Variants in PPP2R3A observed in about 807,000 individuals in gnomAD.
The protein encoded by PPP2R3A is serine/threonine-protein phosphatase 2A regulatory subunit B'' subunit alpha.
PPP2R3A carries 80 observed loss-of-function variants against 106.9 expected under a neutral mutation model. The observed-to-expected ratio is 0.75, with a 90% confidence interval of 0.62 to 0.90. The LOEUF (loss-of-function observed/expected upper bound fraction) is 0.90. PPP2R3A is among the 40% of genes least tolerant of loss of function. PPP2R3A has a pLI of 0.00. For synonymous variants in PPP2R3A, 483 were observed against 468.3 expected (o/e 1.03, Z -0.41); for missense variants, 1,386 against 1,350.4 (o/e 1.03, Z -0.41).
intron 13 of PPP2R3A, among the ~76,000 whole-genome samples, chr3:136,136,943 A>G (rs992308559): frequency 1.3e-5 from 2 of 152,244 alleles, no homozygotes; most frequent in African/African-American, 2.4e-5. Flanking sequence ...GGCTGTAAAC[A>G]TTGCAAATTA....
intron 1 of PPP2R3A, among the ~76,000 whole-genome samples, chr3:135,973,681 T>C (rs111311725): frequency 2.0e-4 from 31 of 152,196 alleles, no homozygotes; most frequent in African/African-American, 7.2e-4. Context: ...TTTCTTCTTA[T>C]TGGACCAAGA....
At position 136,146,877 on chromosome 3, in the gene PPP2R3A, A is replaced by AT. The variant is rs893657575; in HGVS notation, c.*1711_*1712insT. 1 of 152,210 alleles carries AT rather than the reference A, an allele frequency of 6.6e-6. No individual in the cohort carries two copies. The highest frequency in any genetic ancestry group is 1.5e-5 in the Non-Finnish European group (1 of 68,042). The allele number at this position is 152,210 out of a possible 1,614,324, so 9.4% of individuals were successfully genotyped here. On this transcript the variant is annotated 3_prime_UTR_variant, in exon 14 of 14. Coordinates refer to ENST00000264977, the MANE Select transcript of PPP2R3A (RefSeq NM_002718.5). ...TTTCAGATAGAAATACAAAAAAAAA[A>AT]AAAATACTTTTCTTAGAAGCCAGAT... is the stretch of plus-strand genomic sequence containing the variant.
chr3:136,048,967 C>T (rs891890200), intron 4 of PPP2R3A, among the ~76,000 whole-genome samples: 1 of 152,002 alleles, frequency 6.6e-6, no homozygotes, highest in Non-Finnish European at 1.5e-5. Context: ...AGGAATGTTT[C>T]CTGAAAATGC....
chr3:135,976,975 T>C (rs1937436382), intron 1 of PPP2R3A, among the ~76,000 whole-genome samples: 1 of 152,136 alleles, frequency 6.6e-6, no homozygotes, highest in Admixed American at 6.5e-5. Context: ...TTTAGGACTG[T>C]GTTTGGTCCC....
rs578254582 is a variant in PPP2R3A, at chr3:136,048,438, C to T, written c.2367-821C>T. 1.4e-4 allele frequency among the ~76,000 whole-genome samples: 21 copies of T among 152,042 alleles called. No homozygotes were observed. The East Asian group carries it at 1.5e-3, about 11-fold the overall frequency. On this transcript the variant is annotated intron_variant, in intron 4 of 13. Transcript: ENST00000264977. ...CTGTAATCCCAGCACTTTGGGAAGC[C>T]GAGGCAGGCGGATCACAAGGTCAGG...
At chr3:136,007,556 G>A (rs1219813338) in intron 2 of PPP2R3A, among the ~76,000 whole-genome samples, 2 of 152,190 alleles carry the variant, frequency 1.3e-5, no homozygotes, top group African/African-American at 4.8e-5. Flanking sequence ...TTCCTGGCAA[G>A]AGGGAAAGAC....
rs375422855 is a variant in PPP2R3A, at chr3:136,030,825, T to TACACACACAC, written c.2262+3739_2262+3748dup. Among the ~76,000 whole-genome samples, 125 of 142,242 alleles carry TACACACACAC rather than the reference T, an allele frequency of 8.8e-4. 1 individual carries two copies. The highest frequency in any genetic ancestry group is 3.3e-3 in the African/African-American group (120 of 36,194). 93.3% of individuals were successfully genotyped at this position (142,242 alleles called of 152,430 possible). A position where few individuals can be genotyped will look rare whatever the true frequency, so the allele number is the denominator to read the frequency against. ...ATGTATGTATGTATGTATGTATGTA[T>TACACACACAC]ACACACACACACACACACACATGCC... On this transcript the variant is annotated intron_variant, in intron 3 of 13. Coordinates refer to ENST00000264977, the MANE Select transcript of PPP2R3A (RefSeq NM_002718.5).
In PPP2R3A at chr3:136,106,325, GAGTA is replaced by G; in HGVS notation, c.3329+7_3329+10del. 6.2e-7 allele frequency: 1 copy of G among 1,612,476 alleles called. No homozygotes were observed. Among genetic ancestry groups the G allele is most frequent in the South Asian group, 1.1e-5 (1 of 90,982 alleles). On this transcript the variant is annotated splice_donor_5th_base_variant and intron_variant, in intron 13 of 13. Transcript: ENST00000264977. ...GCCCAAGCACAATTCCAGGAAGGGT[GAGTA>G]AGTTTCCCTATGTCTTATAGAATTT...
chr3:136,037,048 T>G (rs1248382137), intron 3 of PPP2R3A, among the ~76,000 whole-genome samples: 2 of 152,242 alleles, frequency 1.3e-5, no homozygotes, highest in Non-Finnish European at 2.9e-5. Context: ...AGAGAGTTTG[T>G]TAGAGCAATA....
In PPP2R3A at chr3:136,090,570, T is replaced by C; in HGVS notation, c.2838-8T>C. The C allele has an allele frequency of 1.2e-6, 2 of 1,610,636 alleles. No homozygotes were observed. The highest frequency in any genetic ancestry group is 1.3e-5 in the African/African-American group (1 of 74,980). ...TCAGGAAATTTTATAACCATGTGTT[T>C]TCTTTAGGGGAAAAACAATACAGAA... is the stretch of plus-strand genomic sequence containing the variant. On this transcript the variant is annotated splice_region_variant and splice_polypyrimidine_tract_variant and intron_variant, in intron 9 of 13. Coordinates refer to ENST00000264977, the MANE Select transcript of PPP2R3A (RefSeq NM_002718.5).
intron 13 of PPP2R3A, among the ~76,000 whole-genome samples, chr3:136,111,142 A>C (rs922634305): frequency 2.6e-5 from 4 of 152,200 alleles, no homozygotes; most frequent in Admixed American, 6.5e-5. Flanking sequence ...AAACAGTGGG[A>C]GGAAAGAAGC....
chr3:136,022,105 T>A (rs556297320), intron 2 of PPP2R3A, among the ~76,000 whole-genome samples: 189 of 152,278 alleles, frequency 1.2e-3, no homozygotes, highest in Non-Finnish European at 2.3e-3. Flanking sequence ...TAATAGGTAT[T>A]TTAAAAATCT....
At chr3:136,055,367 G>C (rs1461957989) in intron 5 of PPP2R3A, 1 of 957,558 alleles carries the variant, frequency 1.0e-6, no homozygotes, top group Non-Finnish European at 1.7e-6. Flanking sequence ...TGCTACCTCA[G>C]GTCCACAGGT....
chr3:135,981,533 G>A (rs777702400), intron 1 of PPP2R3A, among the ~76,000 whole-genome samples: 2 of 151,556 alleles, frequency 1.3e-5, no homozygotes, highest in Admixed American at 6.6e-5. Flanking sequence ...CAGAAGTGGT[G>A]GTATATTAGC....
intron 13 of PPP2R3A, among the ~76,000 whole-genome samples, chr3:136,139,309 T>G (rs796102815): frequency 6.7e-4 from 102 of 152,318 alleles, no homozygotes; most frequent in African/African-American, 2.3e-3. Context: ...AGGGAAGACT[T>G]ACTTAGGGAA....
intron 2 of PPP2R3A, among the ~76,000 whole-genome samples, chr3:136,013,209 T>G (rs553724062): frequency 4.6e-5 from 7 of 151,918 alleles, no homozygotes; most frequent in Non-Finnish European, 7.4e-5. Flanking sequence ...TATGTATGTA[T>G]GTATGTATGT....
chr3:135,973,985 T>C (rs1262845975), intron 1 of PPP2R3A, among the ~76,000 whole-genome samples: 1 of 152,220 alleles, frequency 6.6e-6, no homozygotes, highest in Non-Finnish European at 1.5e-5. Context: ...TGAAGCACTC[T>C]TGTCAAGCTC....
intron 13 of PPP2R3A, among the ~76,000 whole-genome samples, chr3:136,124,918 G>C (rs983079165): frequency 1.8e-4 from 27 of 152,088 alleles, no homozygotes; most frequent in Admixed American, 1.7e-3. Context: ...AAAAATGCTA[G>C]AAAAACTCAA....
intron 3 of PPP2R3A, among the ~76,000 whole-genome samples, chr3:136,039,623 CAGG>C (rs1935196497): frequency 6.6e-6 from 1 of 152,188 alleles, no homozygotes; most frequent in Admixed American, 6.5e-5. Context: ...ACTGATCTGA[CAGG>C]AGGTGGAGCT....
Sources: allele counts gnomAD v4.1 joint callset (sites outside exome capture counted in the v4.1 genomes callset), GRCh38; gene constraint gnomAD v4.1.1; transcripts MANE v1.5; gene names NCBI Gene and HGNC (gene_info 2026-07-23, HGNC 2026-07-21).